The following CALB2 variants were observed in gnomAD, a reference collection of about 807,000 sequenced individuals.
The protein encoded by CALB2 is calbindin 2.
CALB2 carries 34 observed loss-of-function variants against 45.9 expected under a neutral mutation model. The ratio of observed to expected loss-of-function variants is 0.74; its 90% confidence interval spans 0.56 to 0.99. The LOEUF (loss-of-function observed/expected upper bound fraction) is 0.99. Ranked by LOEUF, CALB2 falls within the 50% of genes least tolerant of loss-of-function variation. CALB2 has a pLI of 0.00. For synonymous variants in CALB2, 142 were observed against 129.6 expected, an observed-to-expected ratio of 1.10 and a Z score of -0.65; for missense variants, 344 against 339.3, an observed-to-expected ratio of 1.01 and a Z score of -0.11.
chr16:71,382,044 TAGGAGGAGG>T, intron 4 of CALB2, among the ~76,000 whole-genome samples: 1 of 41,076 alleles, frequency 2.4e-5, no homozygotes, highest in South Asian at 9.6e-4. Context: ...GGAGGAGGAG[TAGGAGGAGG>T]AGGAGAGGGG....
At chr16:71,369,286 G>A (rs2042320074) in intron 1 of CALB2, among the ~76,000 whole-genome samples, 1 of 152,182 alleles carries the variant, frequency 6.6e-6, no homozygotes, top group Non-Finnish European at 1.5e-5. Context: ...CATTTCACAG[G>A]AGAAGAAACT....
intron 10 of CALB2, among the ~76,000 whole-genome samples, chr16:71,387,549 A>T (rs914686926): frequency 5.3e-5 from 8 of 151,848 alleles, no homozygotes; most frequent in Non-Finnish European, 1.2e-4. Flanking sequence ...TGAGCAGATT[A>T]ATGTTTGAGG....
intron 1 of CALB2, among the ~76,000 whole-genome samples, chr16:71,363,176 C>T: frequency 6.6e-6 from 1 of 152,140 alleles, no homozygotes; most frequent in East Asian, 1.9e-4. Flanking sequence ...CAGAGCCAGA[C>T]CCTATCTTTA....
At chr16:71,360,262 C>T (rs540426646) in intron 1 of CALB2, among the ~76,000 whole-genome samples, 1 of 152,254 alleles carries the variant, frequency 6.6e-6, no homozygotes, top group African/African-American at 2.4e-5. Flanking sequence ...TCTGGGGATG[C>T]TAATGGGTGA....
At chr16:71,361,689 C>T (rs1567533385) in intron 1 of CALB2, among the ~76,000 whole-genome samples, 1 of 152,086 alleles carries the variant, frequency 6.6e-6, no homozygotes, top group Non-Finnish European at 1.5e-5. Flanking sequence ...TGAATCCCAA[C>T]GAGAGGGAGG....
chr16:71,365,180 A>T (rs908058573), intron 1 of CALB2, among the ~76,000 whole-genome samples: 3 of 152,022 alleles, frequency 2.0e-5, no homozygotes, highest in Non-Finnish European at 4.4e-5. Flanking sequence ...ATAAATCTGA[A>T]CTCCAGATAG....
intron 1 of CALB2, among the ~76,000 whole-genome samples, chr16:71,359,922 G>C (rs1279210694): frequency 2.0e-5 from 3 of 152,214 alleles, no homozygotes; most frequent in Non-Finnish European, 4.4e-5. Context: ...CTCCTGGAGG[G>C]GCTGACCCCA....
chr16:71,366,224 C>T (rs1430736742), intron 1 of CALB2, among the ~76,000 whole-genome samples: 2 of 150,336 alleles, frequency 1.3e-5, no homozygotes, highest in Non-Finnish European at 3.0e-5. Flanking sequence ...GACGGGATTT[C>T]ACCGTGTTAG....
At chr16:71,388,984 C>T (rs1464006179) in intron 10 of CALB2, among the ~76,000 whole-genome samples, 3 of 111,796 alleles carry the variant, frequency 2.7e-5, no homozygotes, top group African/African-American at 1.1e-4. Context: ...GGCCACAGAG[C>T]AAGACTCCAT....
At chr16:71,359,661 A>G (rs2042218658) in intron 1 of CALB2, among the ~76,000 whole-genome samples, 1 of 152,118 alleles carries the variant, frequency 6.6e-6, no homozygotes, top group African/African-American at 2.4e-5. Flanking sequence ...GGCCAGACCA[A>G]ATGACCTTTG....
At chr16:71,377,405 G>C (rs2042428910) in intron 3 of CALB2, among the ~76,000 whole-genome samples, 1 of 151,892 alleles carries the variant, frequency 6.6e-6, no homozygotes, top group Admixed American at 6.6e-5. Flanking sequence ...TTTGAGTCTG[G>C]GTGCTTGCAT....
At chr16:71,386,735 C>T (rs763465044) in intron 10 of CALB2, among the ~76,000 whole-genome samples, 18 of 152,212 alleles carry the variant, frequency 1.2e-4, no homozygotes, top group Non-Finnish European at 1.9e-4. Flanking sequence ...GTTGTCTCAC[C>T]GCCTTGGCTG....
intron 1 of CALB2, among the ~76,000 whole-genome samples, chr16:71,363,256 G>T (rs1173162500): frequency 6.6e-6 from 1 of 152,176 alleles, no homozygotes; most frequent in African/African-American, 2.4e-5. Flanking sequence ...TTCTTCCCTT[G>T]TAAGAAATAT....
At chr16:71,377,040 A>G (rs2042424544) in intron 3 of CALB2, among the ~76,000 whole-genome samples, 1 of 152,224 alleles carries the variant, frequency 6.6e-6, no homozygotes, top group South Asian at 2.1e-4. Context: ...ACGTAGACTC[A>G]TCAGGATTGG....
intron 4 of CALB2, among the ~76,000 whole-genome samples, chr16:71,382,084 AAG>A (rs2042501186): frequency 7.0e-6 from 1 of 143,580 alleles, no homozygotes; most frequent in Non-Finnish European, 1.5e-5. Context: ...GGGAGGAAGA[AAG>A]AAAGAGAAAG....
chr16:71,378,581 G>C (rs180791370), intron 4 of CALB2, among the ~76,000 whole-genome samples: 1 of 152,230 alleles, frequency 6.6e-6, no homozygotes, highest in Admixed American at 6.5e-5. Context: ...CAGACTCCCT[G>C]ATCCAGTGAC....
chr16:71,369,252 T>C (rs572922523), intron 1 of CALB2, among the ~76,000 whole-genome samples: 2 of 152,210 alleles, frequency 1.3e-5, no homozygotes, highest in South Asian at 4.1e-4. Flanking sequence ...GGCAGCTGCA[T>C]GAGGAGGGTG....
At chr16:71,361,313 G>A (rs759307888) in intron 1 of CALB2, among the ~76,000 whole-genome samples, 3 of 152,176 alleles carry the variant, frequency 2.0e-5, no homozygotes, top group African/African-American at 4.8e-5. Flanking sequence ...CAGCCAAATC[G>A]GAATTCCACA....
intron 1 of CALB2, among the ~76,000 whole-genome samples, chr16:71,365,806 C>T (rs1028532654): frequency 6.6e-6 from 1 of 151,876 alleles, no homozygotes; most frequent in South Asian, 2.1e-4. Flanking sequence ...ACATGCTGCT[C>T]TGAAGCGGTT....
Sources: allele counts gnomAD v4.1 joint callset (sites outside exome capture counted in the v4.1 genomes callset), GRCh38; gene constraint gnomAD v4.1.1; transcripts MANE v1.5; gene names NCBI Gene and HGNC (gene_info 2026-07-23, HGNC 2026-07-21).